The following USH2A variants were observed in gnomAD, a reference collection of about 807,000 sequenced individuals.
USH2A encodes the protein usherin.
A neutral mutation model predicts 538.9 loss-of-function variants in USH2A; 443 were observed. That is an observed-to-expected ratio of 0.82 (90% confidence interval 0.76 to 0.89). The LOEUF is 0.89. Ranked by LOEUF, USH2A falls within the 40% of genes least tolerant of loss-of-function variation. The probability of loss-of-function intolerance (pLI) is 0.00; values close to 1 mark genes in which losing one functional copy is unlikely to be tolerated. For synonymous variants in USH2A, 2,413 were observed against 2,273.5 expected (o/e 1.06, Z -1.75); for missense variants, 6,633 against 6,324.8 (o/e 1.05, Z -1.65).
At chr1:215,906,809 G>C (rs1000875303) in intron 38 of USH2A, among the ~76,000 whole-genome samples, 10 of 151,984 alleles carry the variant, frequency 6.6e-5, no homozygotes, top group African/African-American at 9.7e-5. Flanking sequence ...GTTAGCGAGA[G>C]AAAGAGTATA....
At chr1:215,877,953 C>A (rs750522958) in intron 42 of USH2A, 73 bp from the exon 43 acceptor site, 1 of 1,600,016 alleles carries the variant, frequency 6.2e-7, no homozygotes, top group Non-Finnish European at 8.6e-7. Context: ...TCAGGCTGTT[C>A]TGTGGCATGT....
chr1:216,223,340 C>T (rs952283641), intron 14 of USH2A, among the ~76,000 whole-genome samples: 6 of 152,116 alleles, frequency 3.9e-5, no homozygotes, highest in East Asian at 1.9e-4. Context: ...GATCATATAT[C>T]ATCTATACTA....
In USH2A at chr1:215,664,874, G is replaced by T. The variant is rs183381114; in HGVS notation, c.14133+6098C>A. Among the ~76,000 whole-genome samples the T allele has an allele frequency of 7.9e-5, 12 of 152,222 alleles. No individual in the cohort carries two copies. The South Asian group carries it at 2.5e-3, about 32-fold the overall frequency. ...AGGTGCCTTGACCTTGTACTTTCCC[G>T]CCTCTAGAATTGTGGGAAATAAATA... On this transcript the variant is annotated intron_variant, in intron 64 of 71. Coordinates refer to ENST00000307340, the MANE Select transcript of USH2A (RefSeq NM_206933.4).
intron 27 of USH2A, among the ~76,000 whole-genome samples, chr1:216,074,069 C>A (rs1160383856): frequency 6.6e-6 from 1 of 152,246 alleles, no homozygotes; most frequent in Non-Finnish European, 1.5e-5. Context: ...GACCTTAGAA[C>A]ACCCACTGCG....
At chr1:216,006,462 T>C (rs145560614) in intron 32 of USH2A, among the ~76,000 whole-genome samples, 1 of 152,292 alleles carries the variant, frequency 6.6e-6, no homozygotes, top group African/African-American at 2.4e-5. Context: ...CCCAGTCCTC[T>C]TCTATATGGC....
intron 38 of USH2A, among the ~76,000 whole-genome samples, chr1:215,928,947 A>T (rs1341135230): frequency 6.6e-6 from 1 of 152,152 alleles, no homozygotes; most frequent in Non-Finnish European, 1.5e-5. Flanking sequence ...ATATACTAAC[A>T]TCTTTTAAAA....
intron 23 of USH2A, among the ~76,000 whole-genome samples, chr1:216,087,712 C>A (rs1253204101): frequency 6.6e-6 from 1 of 152,080 alleles, no homozygotes; most frequent in African/African-American, 2.4e-5. Context: ...ATCACCAAAT[C>A]CTGTTAATTT....
chr1:216,088,368 T>C (rs1043699433), intron 23 of USH2A, among the ~76,000 whole-genome samples: 10 of 152,114 alleles, frequency 6.6e-5, no homozygotes, highest in African/African-American at 2.4e-4. Flanking sequence ...ATTCCTCCCA[T>C]AAAATGTAAG....
Position 216,217,278 on chromosome 1 carries a change from A to C in USH2A, c.3157+109T>G, listed in dbSNP as rs537124046. On this transcript the variant is annotated intron_variant, in intron 15 of 71. Coordinates refer to ENST00000307340, the MANE Select transcript of USH2A (RefSeq NM_206933.4). ...TCCATCTCTTACCTACGTTCTTCAC[A>C]TTGTACTAAGCCTTTCTGATGGGTT... 3.5e-6 allele frequency: 5 copies of C among 1,415,668 alleles called. No homozygotes were observed. In the East Asian group the frequency reaches 1.2e-4, roughly 35 times the overall value. 87.7% of individuals were successfully genotyped at this position (1,415,668 alleles called of 1,614,324 possible). A position where few individuals can be genotyped will look rare whatever the true frequency, so the allele number is the denominator to read the frequency against.
intron 16 of USH2A, chr1:216,201,765 G>T (rs2035006446): frequency 8.7e-6 from 2 of 230,552 alleles, no homozygotes. Context: ...GCCGAGGAAG[G>T]TGAGACAGTT....
intron 11 of USH2A, among the ~76,000 whole-genome samples, chr1:216,267,085 T>C (rs1252370251): frequency 1.3e-5 from 2 of 151,950 alleles, no homozygotes; most frequent in African/African-American, 4.8e-5. Flanking sequence ...TAAAGAGAGT[T>C]CCAGAGCACT....
At chr1:216,355,445 T>C (rs917123494) in intron 4 of USH2A, among the ~76,000 whole-genome samples, 3 of 151,452 alleles carry the variant, frequency 2.0e-5, no homozygotes, top group African/African-American at 7.3e-5. Context: ...CCAGAAACAA[T>C]GAAGGCAAGA....
At position 216,333,929 on chromosome 1, in the gene USH2A, C is replaced by T. The variant is rs577091246; in HGVS notation, c.785-6275G>A. Among the ~76,000 whole-genome samples, 276 of 152,172 alleles carry T rather than the reference C, an allele frequency of 1.8e-3. 2 individuals carry two copies. Among genetic ancestry groups the T allele is most frequent in the Middle Eastern group, 3.4e-3 (1 of 294 alleles). On this transcript the variant is annotated intron_variant, in intron 4 of 71. Transcript: ENST00000307340. ...AAAGAAATATTGAGAGGTTTTATCACTATCAGACTTGCTCTACAAGAAATA... is the reference window on the plus strand; with the variant it reads ...AAAGAAATATTGAGAGGTTTTATCATTATCAGACTTGCTCTACAAGAAATA...
Position 215,799,045 on chromosome 1 carries a change from A to T in USH2A, c.9820T>A (p.Ser3274Thr), listed in dbSNP as rs1236116000. 4 of 1,614,090 alleles carry T rather than the reference A, an allele frequency of 2.5e-6. No homozygotes were observed. Among genetic ancestry groups the T allele is most frequent in the Non-Finnish European group, 1.7e-6 (2 of 1,180,008 alleles). The change falls in exon 50 of 72, where the codon TCC becomes ACC. Residue 3274 changes from serine (S) to threonine (T), a missense_variant. Physicochemically the swap from Ser to Thr is moderately conservative, Grantham distance 58 (BLOSUM62 1). Coordinates refer to ENST00000307340, the MANE Select transcript of USH2A (RefSeq NM_206933.4). ...GDSCCGRMPY[S>T]TSGNQICCAG... Reference sequence around the variant, plus strand: ...CAGCAAATCTGGTTTCCTGAGGTGGAGTACGGCATTCTGCCACAGCAGGAA... The same window carrying T: ...CAGCAAATCTGGTTTCCTGAGGTGGTGTACGGCATTCTGCCACAGCAGGAA...
intron 9 of USH2A, among the ~76,000 whole-genome samples, chr1:216,298,534 A>T (rs1013797358): frequency 3.9e-5 from 6 of 152,208 alleles, no homozygotes; most frequent in African/African-American, 1.4e-4. Context: ...GACCCAATGG[A>T]ATGGTTCTGG....
At chr1:215,876,718 C>A (rs1558139793) in intron 43 of USH2A, among the ~76,000 whole-genome samples, 1 of 152,076 alleles carries the variant, frequency 6.6e-6, no homozygotes, top group South Asian at 2.1e-4. Flanking sequence ...AGAGTGTTGG[C>A]AGGAAAGGCC....
intron 53 of USH2A, among the ~76,000 whole-genome samples, chr1:215,782,464 C>G (rs1661671151): frequency 1.3e-5 from 2 of 152,126 alleles, no homozygotes; most frequent in Admixed American, 6.6e-5. Flanking sequence ...TTCCCCTTCT[C>G]TGAATATGCC....
At chr1:215,648,854 T>A (rs955802256) in intron 65 of USH2A, 88 bp from the exon 66 acceptor site, 1 of 1,272,506 alleles carries the variant, frequency 7.9e-7, no homozygotes, top group African/African-American at 1.5e-5. Context: ...CTCCTACAAA[T>A]GGAGTACCAT....
intron 3 of USH2A, among the ~76,000 whole-genome samples, chr1:216,404,618 C>CT (rs375562284): frequency 0.75 from 82,402 of 110,020 alleles, 31,906 homozygotes; most frequent in East Asian, 0.83. Context: ...GAAACATAGG[C>CT]TTTTTTTTTT....
Sources: allele counts gnomAD v4.1 joint callset (sites outside exome capture counted in the v4.1 genomes callset), GRCh38; gene constraint gnomAD v4.1.1; transcripts MANE v1.5; gene names NCBI Gene and HGNC (gene_info 2026-07-23, HGNC 2026-07-21).